The following HPSE2 variants were observed in gnomAD, a reference collection of about 807,000 sequenced individuals.
HPSE2 encodes the protein heparanase 2 (inactive), also known as inactive heparanase-2.
In HPSE2, 38 loss-of-function variants were observed where a neutral mutation model predicts 60.5. The observed-to-expected ratio is 0.63, with a 90% confidence interval of 0.48 to 0.82. HPSE2 has a LOEUF of 0.82. Among genes scored for constraint, HPSE2 ranks in the 40% least tolerant of loss-of-function variants. HPSE2 has a pLI of 0.00. For synonymous variants in HPSE2, 295 were observed against 293.2 expected (o/e 1.01, Z -0.06); for missense variants, 713 against 740.4 (o/e 0.96, Z 0.43).
the HPSE2 span, among the ~76,000 whole-genome samples, chr10:99,252,537 C>A: frequency 5.3e-5 from 8 of 152,080 alleles, no homozygotes; most frequent in African/African-American, 1.7e-4. Flanking sequence ...AATGTTCAAT[C>A]TAAGAGCCAA....
chr10:98,925,465 T>C (rs1264963065), intron 3 of HPSE2, among the ~76,000 whole-genome samples: 1 of 152,050 alleles, frequency 6.6e-6, no homozygotes, highest in East Asian at 1.9e-4. Context: ...CAGCCTTCAT[T>C]CACACCAAAG....
chr10:99,081,248 C>G (rs1244858783), intron 3 of HPSE2, among the ~76,000 whole-genome samples: 4 of 152,210 alleles, frequency 2.6e-5, no homozygotes, highest in Non-Finnish European at 5.9e-5. Context: ...CTATAAAATC[C>G]TGTGGTTCCA....
At chr10:99,099,581 AC>A (rs1440523915) in intron 3 of HPSE2, among the ~76,000 whole-genome samples, 1 of 152,216 alleles carries the variant, frequency 6.6e-6, no homozygotes, top group Non-Finnish European at 1.5e-5. Flanking sequence ...GCATAGCTGA[AC>A]AAAAGGCAGC....
intron 2 of HPSE2, among the ~76,000 whole-genome samples, chr10:99,212,474 A>G (rs1007189015): frequency 2.0e-5 from 3 of 152,206 alleles, no homozygotes; most frequent in African/African-American, 7.2e-5. Flanking sequence ...AATATTATTC[A>G]GCCTTGAAAA....
At chr10:98,461,963 A>G in intron 11 of HPSE2, 1 of 717,812 alleles carries the variant, frequency 1.4e-6, no homozygotes, top group East Asian at 2.7e-5. Flanking sequence ...CATGGTGAAG[A>G]TTCTCTACTG....
chr10:98,726,202 A>T (rs1490229331), intron 4 of HPSE2, among the ~76,000 whole-genome samples: 1 of 152,176 alleles, frequency 6.6e-6, no homozygotes, highest in African/African-American at 2.4e-5. Flanking sequence ...TTATTGTGGC[A>T]CTATTCACAA....
At chr10:98,596,123 T>C (rs980389402) in intron 9 of HPSE2, among the ~76,000 whole-genome samples, 3 of 152,214 alleles carry the variant, frequency 2.0e-5, no homozygotes, top group Admixed American at 6.5e-5. Flanking sequence ...TAGGTGACTT[T>C]TGCATCTATA....
At position 98,748,324 on chromosome 10, in the gene HPSE2, C is replaced by G. The variant is rs144867534; in HGVS notation, c.611-4268G>C. 1.4e-3 allele frequency among the ~76,000 whole-genome samples: 213 copies of G among 152,114 alleles called. 1 individual carries two copies. Among genetic ancestry groups the G allele is most frequent in the Middle Eastern group, 0.01 (3 of 294 alleles). The stretch of plus-strand genomic sequence containing the variant: ...CCGTCTCAAAAAATAATAATTATTG[C>G]TAATCTAAGACATATGTTCTACAGT... On this transcript the variant is annotated intron_variant, in intron 3 of 11. Transcript: ENST00000370552.
chr10:99,125,766 T>A (rs961132380), intron 3 of HPSE2, among the ~76,000 whole-genome samples: 3 of 152,172 alleles, frequency 2.0e-5, no homozygotes, highest in Admixed American at 6.5e-5. Context: ...TAGGGAACCA[T>A]GCAAAATACA....
intron 3 of HPSE2, among the ~76,000 whole-genome samples, chr10:98,963,695 G>A (rs1955740577): frequency 1.3e-5 from 2 of 152,092 alleles, no homozygotes; most frequent in Admixed American, 6.6e-5. Flanking sequence ...TAGAGACATT[G>A]CATAACTTAA....
chr10:98,833,884 G>T (rs1428174624), intron 3 of HPSE2, among the ~76,000 whole-genome samples: 1 of 152,078 alleles, frequency 6.6e-6, no homozygotes. Context: ...CAGTGTTTCA[G>T]ATGACATAAC....
the HPSE2 span, among the ~76,000 whole-genome samples, chr10:99,296,029 G>A: frequency 1.1e-4 from 16 of 152,170 alleles, no homozygotes; most frequent in Non-Finnish European, 1.6e-4. Context: ...CAAATGTGAC[G>A]TATCACTTAT....
At chr10:98,704,658 G>GT (rs1948499636) in intron 5 of HPSE2, among the ~76,000 whole-genome samples, 1 of 152,152 alleles carries the variant, frequency 6.6e-6, no homozygotes, top group South Asian at 2.1e-4. Context: ...AAACAATGGA[G>GT]AAAGGATTCC....
At chr10:99,232,007 G>A (rs1849659257) in intron 2 of HPSE2, among the ~76,000 whole-genome samples, 1 of 152,134 alleles carries the variant, frequency 6.6e-6, no homozygotes, top group South Asian at 2.1e-4. Flanking sequence ...AGCCTGTTAA[G>A]CAGTTTGGGC....
the HPSE2 span, among the ~76,000 whole-genome samples, chr10:99,276,739 G>A: frequency 1.3e-5 from 2 of 151,972 alleles, no homozygotes; most frequent in Non-Finnish European, 2.9e-5. Flanking sequence ...TACAAAAACA[G>A]GCAAATTCTT....
At chr10:99,177,444 A>G (rs1847570961) in intron 2 of HPSE2, among the ~76,000 whole-genome samples, 1 of 152,172 alleles carries the variant, frequency 6.6e-6, no homozygotes, top group Admixed American at 6.6e-5. Flanking sequence ...AGCAAATGGA[A>G]AGCAAAAAAA....
intron 3 of HPSE2, among the ~76,000 whole-genome samples, chr10:98,904,189 T>C (rs939448124): frequency 1.3e-5 from 2 of 152,160 alleles, no homozygotes; most frequent in Non-Finnish European, 2.9e-5. Context: ...GAGTTAGTAA[T>C]GTGCTTTAAA....
In HPSE2 at chr10:98,859,931, A is replaced by C. The variant is rs189748499; in HGVS notation, c.611-115875T>G. Among the ~76,000 whole-genome samples the C allele has an allele frequency of 1.0e-3, 159 of 152,332 alleles. 2 individuals are homozygous for C. The highest frequency in any genetic ancestry group is 1.8e-3 in the Non-Finnish European group (121 of 68,032). On this transcript the variant is annotated intron_variant, in intron 3 of 11. Coordinates refer to ENST00000370552, the MANE Select transcript of HPSE2 (RefSeq NM_021828.5). ...ATTTTGAGAGAGAGAGATCACATTCATATGCCTATGATTATAATATATTGT... is the reference window on the plus strand; with the variant it reads ...ATTTTGAGAGAGAGAGATCACATTCCTATGCCTATGATTATAATATATTGT...
intron 3 of HPSE2, among the ~76,000 whole-genome samples, chr10:98,981,251 C>G (rs1956198905): frequency 6.6e-6 from 1 of 152,112 alleles, no homozygotes; most frequent in Non-Finnish European, 1.5e-5. Flanking sequence ...AATTTAATTC[C>G]TTTATGCTCT....
Sources: gnomAD v4.1 joint callset for allele counts (sites outside exome capture counted in the v4.1 genomes callset) on GRCh38, gnomAD v4.1.1 for gene constraint, MANE v1.5 for transcripts, NCBI Gene and HGNC (gene_info 2026-07-23, HGNC 2026-07-21) for gene names.